NR5A2: variants seen among roughly 807,000 people sequenced by gnomAD.
NR5A2 encodes nuclear receptor subfamily 5 group A member 2.
A neutral mutation model predicts 62.7 loss-of-function variants in NR5A2; 26 were observed. That is an observed-to-expected ratio of 0.41 (90% CI 0.30 to 0.58). The LOEUF is 0.58. Ranked by LOEUF, NR5A2 falls within the 20% of genes least tolerant of loss-of-function variation. NR5A2 has a pLI of 0.22. For synonymous variants in NR5A2, 246 were observed against 241.7 expected, an observed-to-expected ratio of 1.02 and a Z score of -0.16; for missense variants, 541 against 669.1, an observed-to-expected ratio of 0.81 and a Z score of 2.11.
At position 200,086,089 on chromosome 1, in the gene NR5A2, A is replaced by G. The variant is rs557239796; in HGVS notation, c.1111-25113A>G. On this transcript the variant is annotated intron_variant, in intron 5 of 7. Transcript: ENST00000367362. Reference sequence around the variant, plus strand: ...ACTCGTGAGTCGTTTGGAGATTATCAGGCTAACTACGTGATAAAAGATGCT... The same window carrying G: ...ACTCGTGAGTCGTTTGGAGATTATCGGGCTAACTACGTGATAAAAGATGCT... Among the ~76,000 whole-genome samples, 29 of 152,166 alleles carry G rather than the reference A, an allele frequency of 1.9e-4. 1 individual carries two copies. The highest frequency in any genetic ancestry group is 4.1e-4 in the Non-Finnish European group (28 of 68,034).
rs1311738356 is a variant in NR5A2, at chr1:200,048,260, C to T, written c.552C>T (p.Ala184=). The T allele has an allele frequency of 6.2e-7, 1 of 1,614,090 alleles. No individual in the cohort carries two copies. Among genetic ancestry groups the T allele is most frequent in the South Asian group, 1.1e-5 (1 of 91,076 alleles). Residue 184 remains alanine (A), a synonymous_variant, in exon 5 of 8, where the codon GCC becomes GCT. Coordinates refer to ENST00000367362, the MANE Select transcript of NR5A2 (RefSeq NM_205860.3). The surrounding 1 kb of genome is among the most constrained non-coding windows in gnomAD (Gnocchi z 4.8). ...RDRALKQQKK[A]LIRANGLKLE... ...GGGCCCTGAAGCAACAGAAAAAAGC[C>T]CTCATCCGAGCCAATGGACTTAAGC...
intron 5 of NR5A2, among the ~76,000 whole-genome samples, chr1:200,071,685 TCTAA>T (rs941587192): frequency 6.6e-6 from 1 of 152,326 alleles, no homozygotes; most frequent in Non-Finnish European, 1.5e-5. Flanking sequence ...TAATTACTTC[TCTAA>T]CTAGGCTATT....
At chr1:200,150,186 A>G (rs1267994702) in intron 7 of NR5A2, among the ~76,000 whole-genome samples, 1 of 152,236 alleles carries the variant, frequency 6.6e-6, no homozygotes, top group Non-Finnish European at 1.5e-5. Context: ...AGAATGACAC[A>G]TAAAAGGAAA....
At chr1:200,044,445 A>G (rs982819040) in intron 3 of NR5A2, 1 of 152,068 alleles carries the variant, frequency 6.6e-6, no homozygotes, top group Non-Finnish European at 1.5e-5. Flanking sequence ...AATAATTTTT[A>G]TAAATATATG....
rs139583944 is a variant in NR5A2 at position 200,152,647 on chromosome 1, G to A, written c.1379-21316G>A. ...GCATCTGTTTTGTTTTAGGGGAAGG[G>A]AGGAATATTTAAATGATAAAATTTT... is the stretch of plus-strand genomic sequence containing the variant. On this transcript the variant is annotated intron_variant, in intron 7 of 7. Coordinates refer to ENST00000367362, the MANE Select transcript of NR5A2 (RefSeq NM_205860.3). 4.5e-3 allele frequency among the ~76,000 whole-genome samples: 692 copies of A among 152,280 alleles called. 11 individuals carry two copies. The highest frequency in any genetic ancestry group is 0.015 in the African/African-American group (641 of 41,554).
intron 7 of NR5A2, among the ~76,000 whole-genome samples, chr1:200,155,920 C>T (rs1042364722): frequency 3.3e-5 from 5 of 152,106 alleles, no homozygotes; most frequent in Non-Finnish European, 5.9e-5. Context: ...GTGATCCACC[C>T]GCTTAGTCTC....
Position 200,038,677 on chromosome 1 carries a change from T to C in NR5A2, c.65-981T>C, listed in dbSNP as rs1200197841. The C allele has an allele frequency of 4.4e-6, 6 of 1,364,084 alleles. No individual in the cohort carries two copies. The African/African-American group carries it at 8.9e-5, about 20-fold the overall frequency. The allele number at this position is 1,364,084 out of a possible 1,614,324, so 84.5% of individuals were successfully genotyped here. A position where few individuals can be genotyped will look rare whatever the true frequency, so the allele number is the denominator to read the frequency against. On this transcript the variant is annotated intron_variant, in intron 1 of 7. Transcript: ENST00000367362. ...GGGCACACGCCCACCCGCGCCCCCA[T>C]CCCTTCTTCTTGCTTCCCCTCAGAT...
intron 5 of NR5A2, among the ~76,000 whole-genome samples, chr1:200,066,668 A>C (rs1663490162): frequency 6.9e-6 from 1 of 145,136 alleles, no homozygotes; most frequent in Non-Finnish European, 1.5e-5. Flanking sequence ...GCTCACAGCA[A>C]CCTCTGCCTC....
Position 200,120,959 on chromosome 1 carries a change from A to G in NR5A2, c.1378+4A>G. The G allele has an allele frequency of 6.2e-7, 1 of 1,613,842 alleles. No individual in the cohort carries two copies. The highest frequency in any genetic ancestry group is 8.5e-7 in the Non-Finnish European group (1 of 1,179,868). On this transcript the variant is annotated splice_donor_region_variant and intron_variant, in intron 7 of 7. Transcript: ENST00000367362. ...TTCTTGGTGCTCTTTAGTTTAGGTA[A>G]GAAATCCTTTTCTCATGCTGTGCTC...
At chr1:200,093,255 G>A (rs973062896) in intron 5 of NR5A2, among the ~76,000 whole-genome samples, 8 of 151,998 alleles carry the variant, frequency 5.3e-5, no homozygotes, top group African/African-American at 1.9e-4. Flanking sequence ...CAATCTTCAG[G>A]ACTCAGGAGT....
intron 5 of NR5A2, among the ~76,000 whole-genome samples, chr1:200,104,445 T>C (rs1180899535): frequency 1.3e-5 from 2 of 152,206 alleles, no homozygotes; most frequent in African/African-American, 4.8e-5. Context: ...CAGGTTCTCA[T>C]TAAGATATGG....
At chr1:200,034,599 G>A (rs1014948969) in intron 1 of NR5A2, among the ~76,000 whole-genome samples, 1 of 133,310 alleles carries the variant, frequency 7.5e-6, no homozygotes, top group African/African-American at 2.7e-5. Context: ...AGGTTGCCCG[G>A]GGGGGTGGGT....
chr1:200,117,301 G>A (rs1666263640), intron 6 of NR5A2, among the ~76,000 whole-genome samples: 1 of 152,170 alleles, frequency 6.6e-6, no homozygotes, highest in Non-Finnish European at 1.5e-5. Context: ...TCTGAATGTT[G>A]TTTCAAGAAT....
Position 200,114,245 on chromosome 1 carries a change from CAT to C in NR5A2, c.1230+2926_1230+2927del, listed in dbSNP as rs918786965. Among the ~76,000 whole-genome samples the C allele has an allele frequency of 2.0e-4, 31 of 151,286 alleles. 1 individual carries two copies. Among genetic ancestry groups the C allele is most frequent in the African/African-American group, 7.5e-4 (31 of 41,154 alleles). On this transcript the variant is annotated intron_variant, in intron 6 of 7. Coordinates refer to ENST00000367362, the MANE Select transcript of NR5A2 (RefSeq NM_205860.3). ...ATATATATATATATACACACACACA[CAT>C]ACACACAAATATATCTACATATATA... is the stretch of plus-strand genomic sequence containing the variant.
intron 5 of NR5A2, among the ~76,000 whole-genome samples, chr1:200,093,737 T>A (rs1010650755): frequency 2.6e-5 from 4 of 152,210 alleles, no homozygotes; most frequent in African/African-American, 9.6e-5. Flanking sequence ...GACTTCCTTT[T>A]CCTAGATTTT....
At chr1:200,102,235 G>A (rs1665407362) in intron 5 of NR5A2, among the ~76,000 whole-genome samples, 1 of 152,172 alleles carries the variant, frequency 6.6e-6, no homozygotes, top group Admixed American at 6.5e-5. Context: ...TTTTGATAAA[G>A]ACTCTCTAAT....
intron 7 of NR5A2, among the ~76,000 whole-genome samples, chr1:200,150,632 AT>A (rs1653039355): frequency 6.6e-6 from 1 of 152,216 alleles, no homozygotes; most frequent in African/African-American, 2.4e-5. Flanking sequence ...GTCAAAAAAA[AT>A]ATTCAGTGAA....
intron 5 of NR5A2, among the ~76,000 whole-genome samples, chr1:200,080,846 T>A (rs16845905): frequency 6.6e-6 from 1 of 152,194 alleles, no homozygotes; most frequent in African/African-American, 2.4e-5. Context: ...TTTTCACATA[T>A]ATTTACAAGG....
intron 7 of NR5A2, chr1:200,148,195 G>T: frequency 3.6e-6 from 1 of 276,600 alleles, no homozygotes; most frequent in South Asian, 1.1e-4. Context: ...CAACCTGTCC[G>T]TTGGGCCTAT....
Sources: gnomAD v4.1 joint callset for allele counts (sites outside exome capture counted in the v4.1 genomes callset) on GRCh38, gnomAD v4.1.1 for gene constraint, Gnocchi (gnomAD v3.1) non-coding constraint, MANE v1.5 for transcripts, NCBI Gene and HGNC (gene_info 2026-07-23, HGNC 2026-07-21) for gene names.